Variants in MTTP observed in about 807,000 individuals in gnomAD.
MTTP encodes the protein microsomal triglyceride transfer protein.
A neutral mutation model predicts 90.6 loss-of-function variants in MTTP; 49 were observed. The observed-to-expected ratio is 0.54, with a 90% CI of 0.43 to 0.69. The LOEUF (loss-of-function observed/expected upper bound fraction) is 0.69, where lower values mean the gene tolerates loss of function less well. MTTP is among the 30% of genes least tolerant of loss of function. The probability of loss-of-function intolerance (pLI) is 0.00; values close to 1 mark genes in which losing one functional copy is unlikely to be tolerated. For synonymous variants in MTTP, 347 were observed against 384.2 expected (o/e 0.90, Z 1.13); for missense variants, 945 against 1,067.5 (o/e 0.89, Z 1.60).
At chr4:99,620,524 A>C (rs528849121) in intron 16 of MTTP, among the ~76,000 whole-genome samples, 2 of 152,296 alleles carry the variant, frequency 1.3e-5, no homozygotes, top group Admixed American at 1.3e-4. Context: ...TGTAAGAATG[A>C]TTTTTTGTAA....
At chr4:99,570,690 G>T (rs1350359875), upstream of MTTP, 1 of 455,560 alleles carries the variant, frequency 2.2e-6, no homozygotes, top group Non-Finnish European at 4.4e-6. Context: ...GATTATCCTG[G>T]ATTATTTAGG....
At chr4:99,585,494 T>A (rs1725237274) in intron 3 of MTTP, among the ~76,000 whole-genome samples, 1 of 152,148 alleles carries the variant, frequency 6.6e-6, no homozygotes, top group South Asian at 2.1e-4. Flanking sequence ...CATCATGAGA[T>A]CAGTTGACTT....
intron 5 of MTTP, 136 bp from the exon 6 acceptor site, chr4:99,591,515 T>G: frequency 9.9e-6 from 11 of 1,115,306 alleles, no homozygotes; most frequent in Non-Finnish European, 1.5e-5. Flanking sequence ...CCATTTCAAT[T>G]GTTGTAGGTG....
intron 10 of MTTP, among the ~76,000 whole-genome samples, chr4:99,605,069 ATT>A (rs1478180880): frequency 7.2e-5 from 11 of 152,124 alleles, no homozygotes; most frequent in Non-Finnish European, 1.5e-4. Context: ...GTTAAACTGA[ATT>A]TTGATAATTT....
chr4:99,576,948 A>G (rs927071042), intron 1 of MTTP, among the ~76,000 whole-genome samples: 5 of 152,174 alleles, frequency 3.3e-5, no homozygotes, highest in African/African-American at 1.2e-4. Context: ...ATGTGGATAC[A>G]TTGCTAGGGT....
intron 8 of MTTP, among the ~76,000 whole-genome samples, chr4:99,598,914 C>T (rs1420916065): frequency 6.6e-6 from 1 of 152,092 alleles, no homozygotes; most frequent in Non-Finnish European, 1.5e-5. Context: ...CCACCCGCCT[C>T]GGCCTCCCAA....
intron 1 of MTTP, among the ~76,000 whole-genome samples, chr4:99,580,398 A>C: frequency 6.6e-6 from 1 of 151,282 alleles, no homozygotes; most frequent in Admixed American, 6.6e-5. Flanking sequence ...AACATGGTGA[A>C]ACCCCGTCTC....
intron 5 of MTTP, 77 bp downstream of exon 5, chr4:99,591,428 T>A: frequency 7.9e-7 from 1 of 1,268,832 alleles, no homozygotes; most frequent in Non-Finnish European, 1.1e-6. Flanking sequence ...AATAGAAAAA[T>A]AAAGTAGAAA....
chr4:99,565,131 G>T (rs1236060145), intron 1 of MTTP, among the ~76,000 whole-genome samples: 1 of 152,158 alleles, frequency 6.6e-6, no homozygotes, highest in South Asian at 2.1e-4. Context: ...TTAGTAATTG[G>T]ATATGTAGCC....
chr4:99,621,030 C>T, intron 16 of MTTP, 31 bp from the exon 17 acceptor site: 1 of 1,603,028 alleles, frequency 6.2e-7, no homozygotes, highest in Non-Finnish European at 8.5e-7. Flanking sequence ...ATAATATGAA[C>T]AAGTTTTTTC....
chr4:99,583,277 A>G, intron 2 of MTTP, 97 bp from the exon 3 acceptor site: 1 of 1,375,958 alleles, frequency 7.3e-7, no homozygotes, highest in Non-Finnish European at 1.0e-6. Flanking sequence ...AATTGTGGCC[A>G]ACTCTTTCTG....
At chr4:99,605,897 G>GTGTA (rs1358120219) in intron 10 of MTTP, among the ~76,000 whole-genome samples, 1 of 149,286 alleles carries the variant, frequency 6.7e-6, no homozygotes, top group African/African-American at 2.4e-5. Context: ...GTATGTGTGT[G>GTGTA]TCTGTGTGTT....
chr4:99,582,199 G>A, intron 2 of MTTP, 107 bp downstream of exon 2: 1 of 1,168,750 alleles, frequency 8.6e-7, no homozygotes, highest in Non-Finnish European at 1.3e-6. Flanking sequence ...AATCCATTTA[G>A]TTTCTTATCT....
At chr4:99,564,517 A>G in intron 1 of MTTP, 1 of 351,978 alleles carries the variant, frequency 2.8e-6, no homozygotes, top group Non-Finnish European at 5.2e-6. Context: ...TTTACTCTTT[A>G]TTCATTCCTT....
chr4:99,619,896 A>G (rs1001057227), intron 16 of MTTP, among the ~76,000 whole-genome samples: 1 of 152,232 alleles, frequency 6.6e-6, no homozygotes, highest in Non-Finnish European at 1.5e-5. Flanking sequence ...AAGGTTCACA[A>G]TATAACTTAG....
chr4:99,568,784 C>G (rs1295934466), intron 1 of MTTP, among the ~76,000 whole-genome samples: 1 of 152,034 alleles, frequency 6.6e-6, no homozygotes, highest in Non-Finnish European at 1.5e-5. Flanking sequence ...TGAAGGAACT[C>G]CCAGTGGCTA....
chr4:99,583,709 A>C (rs1725185386), intron 3 of MTTP, 192 bp downstream of exon 3: 2 of 676,256 alleles, frequency 3.0e-6, no homozygotes, highest in East Asian at 2.7e-5. Context: ...CCTTACATTT[A>C]CTAGCCAATT....
At chr4:99,601,746 C>T in intron 10 of MTTP, 32 bp downstream of exon 10, 1 of 1,451,476 alleles carries the variant, frequency 6.9e-7, no homozygotes, top group Non-Finnish European at 9.7e-7. Flanking sequence ...TGTATTACAT[C>T]ATTCTACACC....
chr4:99,615,770 G>A (rs991606274), intron 15 of MTTP, among the ~76,000 whole-genome samples: 4 of 152,188 alleles, frequency 2.6e-5, no homozygotes, highest in Non-Finnish European at 4.4e-5. Flanking sequence ...TTAATAAGGG[G>A]ATCCTCTTTA....
Sources: allele counts gnomAD v4.1 joint callset (sites outside exome capture counted in the v4.1 genomes callset), GRCh38; gene constraint gnomAD v4.1.1; transcripts MANE v1.5; gene names NCBI Gene and HGNC (gene_info 2026-07-23, HGNC 2026-07-21).